Variants in ASAP1 observed in about 807,000 individuals in gnomAD.
ASAP1 encodes the protein arf-GAP with SH3 domain, ANK repeat and PH domain-containing protein 1.
In ASAP1, 43 loss-of-function variants were observed where a neutral mutation model predicts 145.2. The ratio of observed to expected loss-of-function variants is 0.30; its 90% CI spans 0.23 to 0.38. ASAP1 has a LOEUF of 0.38. ASAP1 is among the 10% of genes least tolerant of loss of function. The pLI is 1.00. For missense variants in ASAP1, 1,018 were observed against 1,355.3 expected (o/e 0.75, Z 3.91); for synonymous variants, 546 against 515.5 (o/e 1.06, Z -0.80).
At position 130,418,539 on chromosome 8, in the gene ASAP1, A is replaced by AAAATAAATAAAT. The variant is rs71572335; in HGVS notation, c.-27-16581_-27-16570dup. ...CTCCAGCCTGGGTGACCTCTGTCTC[A>AAAATAAATAAAT]AAATAAATAAATAAATAAATAAATA... On this transcript the variant is annotated intron_variant, in intron 1 of 29. Transcript: ENST00000518721. 1.0e-3 allele frequency among the ~76,000 whole-genome samples: 155 copies of AAAATAAATAAAT among 147,738 alleles called. 3 individuals carry two copies. The South Asian group carries it at 0.018, about 17-fold the overall frequency.
intron 27 of ASAP1, among the ~76,000 whole-genome samples, chr8:130,070,478 G>C (rs2097440768): frequency 6.6e-6 from 1 of 152,194 alleles, no homozygotes; most frequent in African/African-American, 2.4e-5. Flanking sequence ...AGCCTGCAGA[G>C]TGCAGAGTAG....
chr8:130,091,306 A>G (rs1366079167), intron 25 of ASAP1, among the ~76,000 whole-genome samples: 1 of 152,176 alleles, frequency 6.6e-6, no homozygotes, highest in Non-Finnish European at 1.5e-5. Context: ...GTAGGGAGGA[A>G]GCTGCGTTGG....
intron 27 of ASAP1, among the ~76,000 whole-genome samples, chr8:130,070,857 G>A (rs1474719912): frequency 2.6e-4 from 2 of 7,788 alleles, no homozygotes; most frequent in Non-Finnish European, 4.8e-4. Flanking sequence ...GGGAGAGAGA[G>A]GGAGAGAGGG....
chr8:130,060,141 G>A (rs2097415540), intron 28 of ASAP1, among the ~76,000 whole-genome samples: 1 of 150,824 alleles, frequency 6.6e-6, no homozygotes, highest in Non-Finnish European at 1.5e-5. Flanking sequence ...ACCCCGAGAG[G>A]GAAATTGGTT....
At chr8:130,430,510 A>G (rs1485815619) in intron 1 of ASAP1, among the ~76,000 whole-genome samples, 1 of 152,208 alleles carries the variant, frequency 6.6e-6, no homozygotes, top group African/African-American at 2.4e-5. Flanking sequence ...TGAAACGTCC[A>G]GCTGCTTTCC....
At chr8:130,389,433 T>C (rs1828172166) in intron 2 of ASAP1, among the ~76,000 whole-genome samples, 1 of 152,250 alleles carries the variant, frequency 6.6e-6, no homozygotes, top group African/African-American at 2.4e-5. Context: ...GAGGTGCCTG[T>C]TGGTCTGTAA....
chr8:130,193,482 G>T (rs759547945), intron 5 of ASAP1, among the ~76,000 whole-genome samples: 2 of 152,134 alleles, frequency 1.3e-5, no homozygotes, highest in Non-Finnish European at 2.9e-5. Context: ...TCCAGGGTTG[G>T]AAACTGGGCA....
At chr8:130,076,171 T>C (rs577130251) in intron 27 of ASAP1, among the ~76,000 whole-genome samples, 177 bp downstream of exon 27, 2 of 152,358 alleles carry the variant, frequency 1.3e-5, no homozygotes, top group South Asian at 4.1e-4. Flanking sequence ...TCACCAAATT[T>C]GAGTTTATAA....
chr8:130,167,326 AT>A, intron 11 of ASAP1: 2 of 623,190 alleles, frequency 3.2e-6, no homozygotes, highest in Non-Finnish European at 5.8e-6. Flanking sequence ...AAAAAAAAAA[AT>A]CCAGAGTCAT....
chr8:130,215,999 GGAAAGGAAAGGA>G (rs1816894010), intron 4 of ASAP1, among the ~76,000 whole-genome samples: 1 of 110,868 alleles, frequency 9.0e-6, no homozygotes, highest in Non-Finnish European at 1.8e-5. Flanking sequence ...GGAAAGGAAA[GGAAAGGAAAGGA>G]AAGGAAAAAG....
chr8:130,122,419 C>T (rs757486344), intron 18 of ASAP1, among the ~76,000 whole-genome samples: 1 of 152,070 alleles, frequency 6.6e-6, no homozygotes, highest in Non-Finnish European at 1.5e-5. Flanking sequence ...GGGTCACTGG[C>T]CAAACAAGGA....
intron 3 of ASAP1, among the ~76,000 whole-genome samples, chr8:130,325,830 A>C: frequency 6.6e-6 from 1 of 152,222 alleles, no homozygotes; most frequent in East Asian, 1.9e-4. Context: ...GACAAAACCA[A>C]GGCTCCGAGA....
chr8:130,241,579 GAAAATGGTTGAC>G (rs1818529755), intron 3 of ASAP1, among the ~76,000 whole-genome samples: 2 of 152,082 alleles, frequency 1.3e-5, no homozygotes, highest in Non-Finnish European at 2.9e-5. Context: ...GACTTGCTTT[GAAAATGGTTGAC>G]AAAATAGTTC....
chr8:130,312,646 T>C (rs1823429605), intron 3 of ASAP1, among the ~76,000 whole-genome samples: 1 of 152,174 alleles, frequency 6.6e-6, no homozygotes, highest in Non-Finnish European at 1.5e-5. Flanking sequence ...TATTTATAGG[T>C]AAGGAAAACA....
chr8:130,358,180 G>C lies in ASAP1; in HGVS notation c.60-37C>G. Reference sequence around the variant, plus strand: ...GACGAGACACAAGCGGGGGCGGGGGGTGAGTCACGGCGCAGGCTCCCGGGG... The same window carrying C: ...GACGAGACACAAGCGGGGGCGGGGGCTGAGTCACGGCGCAGGCTCCCGGGG... On this transcript the variant is annotated intron_variant, in intron 2 of 29. Transcript: ENST00000518721. This position sits in a 1 kb window ranked among gnomAD's most constrained non-coding sequence, Gnocchi z 4.1. 1.3e-6 allele frequency: 2 copies of C among 1,570,454 alleles called. No individual in the cohort carries two copies. The highest frequency in any genetic ancestry group is 1.4e-5 in the African/African-American group (1 of 73,878).
At chr8:130,359,209 G>A (rs1409786507) in intron 2 of ASAP1, among the ~76,000 whole-genome samples, 1 of 152,066 alleles carries the variant, frequency 6.6e-6, no homozygotes, top group South Asian at 2.1e-4. Context: ...TCTTTCATTT[G>A]CACTTTTTTT....
At chr8:130,404,213 G>A (rs1400583556) in intron 1 of ASAP1, among the ~76,000 whole-genome samples, 1 of 152,140 alleles carries the variant, frequency 6.6e-6, no homozygotes, top group Non-Finnish European at 1.5e-5. Context: ...TTGGATAAAC[G>A]ATCAAACCAT....
chr8:130,337,127 T>A (rs187398094), intron 3 of ASAP1, among the ~76,000 whole-genome samples: 7 of 152,174 alleles, frequency 4.6e-5, no homozygotes, highest in African/African-American at 1.7e-4. Flanking sequence ...GGCTTGGGCA[T>A]CAACAGCAAG....
intron 15 of ASAP1, among the ~76,000 whole-genome samples, chr8:130,129,579 TAC>T (rs761106767): frequency 1.1e-4 from 17 of 152,212 alleles, no homozygotes; most frequent in Non-Finnish European, 2.5e-4. Context: ...CAACAGACAA[TAC>T]AGAGGTTCAG....
Sources: gnomAD v4.1 joint callset for allele counts (sites outside exome capture counted in the v4.1 genomes callset) on GRCh38, gnomAD v4.1.1 for gene constraint, Gnocchi (gnomAD v3.1) non-coding constraint, MANE v1.5 for transcripts, NCBI Gene and HGNC (gene_info 2026-07-23, HGNC 2026-07-21) for gene names.